Variants in MTNR1B observed in about 807,000 individuals in gnomAD.
MTNR1B encodes the protein melatonin receptor 1B.
In MTNR1B, 7 loss-of-function variants were observed where a neutral mutation model predicts 7.0. The ratio of observed to expected loss-of-function variants is 1.00; its 90% CI spans 0.57 to 1.88. The LOEUF (loss-of-function observed/expected upper bound fraction) is 1.88, where lower values mean the gene tolerates loss of function less well. Among genes scored for constraint, MTNR1B ranks in the 40% most tolerant of loss-of-function variants. The pLI is 0.00. For missense variants in MTNR1B, 478 were observed against 486.5 expected (o/e 0.98, Z 0.16); for synonymous variants, 226 against 208.2 (o/e 1.09, Z -0.74).
In MTNR1B at chr11:92,982,103, T is replaced by C; in HGVS notation, c.880T>C (p.Tyr294His). The C allele has an allele frequency of 1.2e-6, 2 of 1,614,214 alleles. No individual in the cohort carries two copies. Residue 294 changes from tyrosine to histidine, a missense_variant, in exon 2 of 2, where the codon TAC becomes CAC. Tyr to His is a moderately conservative substitution (Grantham distance 83, BLOSUM62 2). Coordinates refer to ENST00000257068, the MANE Select transcript of MTNR1B (RefSeq NM_005959.5). ...QIPEGLFVTS[Y>H]LLAYFNSCLN... ...CCCTGAGGGGCTATTTGTCACTAGC[T>C]ACTTACTGGCTTATTTCAACAGCTG...
At chr11:92,974,395 G>A (rs959274327) in intron 1 of MTNR1B, among the ~76,000 whole-genome samples, 3 of 152,152 alleles carry the variant, frequency 2.0e-5, no homozygotes, top group African/African-American at 4.8e-5. Flanking sequence ...GGCTTCCCCA[G>A]CCATGTAGAA....
chr11:92,983,578 G>T (rs1858154546), downstream of MTNR1B, among the ~76,000 whole-genome samples: 1 of 151,970 alleles, frequency 6.6e-6, no homozygotes, highest in African/African-American at 2.4e-5. Context: ...GAGAAAATGG[G>T]GTAGGGGACA....
chr11:92,976,494 G>GTCTC (rs1276606510), intron 1 of MTNR1B, among the ~76,000 whole-genome samples: 1 of 148,576 alleles, frequency 6.7e-6, no homozygotes, highest in Non-Finnish European at 1.5e-5. Context: ...CCAGATTCAA[G>GTCTC]TCTCTTTCCT....
At chr11:92,977,475 C>T (rs1858027802) in intron 1 of MTNR1B, among the ~76,000 whole-genome samples, 1 of 152,202 alleles carries the variant, frequency 6.6e-6, no homozygotes, top group South Asian at 2.1e-4. Flanking sequence ...TTCTCATGAC[C>T]TTTCCCATAC....
chr11:92,977,330 A>C (rs1288207666), intron 1 of MTNR1B, among the ~76,000 whole-genome samples: 1 of 152,248 alleles, frequency 6.6e-6, no homozygotes, highest in African/African-American at 2.4e-5. Flanking sequence ...TCTAATTACA[A>C]GCTTACAATA....
chr11:92,979,694 T>G (rs914048709), intron 1 of MTNR1B, among the ~76,000 whole-genome samples: 1 of 152,134 alleles, frequency 6.6e-6, no homozygotes, highest in African/African-American at 2.4e-5. Context: ...CACAGTAGTA[T>G]TATAGTTAGG....
chr11:92,984,094 A>T (rs536526913), downstream of MTNR1B, among the ~76,000 whole-genome samples: 3 of 152,228 alleles, frequency 2.0e-5, no homozygotes, highest in African/African-American at 7.2e-5. Context: ...CATGTCCACA[A>T]TGTGCCTGGG....
chr11:92,976,963 A>T (rs185360593), intron 1 of MTNR1B, among the ~76,000 whole-genome samples: 1 of 152,318 alleles, frequency 6.6e-6, no homozygotes, highest in East Asian at 1.9e-4. Flanking sequence ...TATACTATCA[A>T]CTTCACCATG....
At chr11:92,979,869 G>A (rs1357922532) in intron 1 of MTNR1B, among the ~76,000 whole-genome samples, 1 of 152,214 alleles carries the variant, frequency 6.6e-6, no homozygotes, top group Non-Finnish European at 1.5e-5. Context: ...GAGATGGGGT[G>A]AATGTGGGAA....
chr11:92,970,396 T>C (rs1857906037), intron 1 of MTNR1B, among the ~76,000 whole-genome samples: 1 of 152,176 alleles, frequency 6.6e-6, no homozygotes, highest in Non-Finnish European at 1.5e-5. Context: ...GCTGAAAAAA[T>C]GAGTTAATCA....
intron 1 of MTNR1B, 24 bp downstream of exon 1, chr11:92,969,972 G>A (rs1449190717): frequency 1.3e-6 from 2 of 1,586,292 alleles, no homozygotes; most frequent in Non-Finnish European, 1.7e-6. Context: ...CTGATGCTGG[G>A]TGCTGGCATC....
intron 1 of MTNR1B, among the ~76,000 whole-genome samples, chr11:92,975,843 CA>C (rs1302512411): frequency 6.6e-6 from 1 of 152,206 alleles, no homozygotes; most frequent in African/African-American, 2.4e-5. Context: ...ACCGACCACT[CA>C]TTGAGATGTC....
In MTNR1B at chr11:92,981,621, C is replaced by A; in HGVS notation, c.398C>A (p.Ala133Asp). The A allele has an allele frequency of 6.2e-7, 1 of 1,614,180 alleles. No homozygotes were observed. The highest frequency in any genetic ancestry group is 8.5e-7 in the Non-Finnish European group (1 of 1,180,034). Reference sequence around the variant, plus strand: ...ATCGGCTCTGTCTTCAATATCACTGCCATCGCCATTAACCGCTACTGCTAC... The same window carrying A: ...ATCGGCTCTGTCTTCAATATCACTGACATCGCCATTAACCGCTACTGCTAC... ...SVIGSVFNIT[A>D]IAINRYCYIC... The change falls in exon 2 of 2, where the codon GCC becomes GAC. Residue 133 changes from alanine (A) to aspartate (D), a missense_variant. Physicochemically the swap from Ala to Asp is moderately radical, Grantham distance 126. Transcript: ENST00000257068.
chr11:92,982,359 G>A lies in MTNR1B; in HGVS notation c.*47G>A, dbSNP rs1250702059. ...CAGCATGACAAACTCATGAAATGGT[G>A]GGAGAGAGTCTGCTGCAAGGGTGAG... On this transcript the variant is annotated 3_prime_UTR_variant, in exon 2 of 2. Coordinates refer to ENST00000257068, the MANE Select transcript of MTNR1B (RefSeq NM_005959.5). 6.4e-7 allele frequency: 1 copy of A among 1,574,194 alleles called. No individual in the cohort carries two copies. The highest frequency in any genetic ancestry group is 8.6e-7 in the Non-Finnish European group (1 of 1,162,694).
rs6483210 is a variant in MTNR1B, at chr11:92,981,429, C to T, written c.224-18C>T. The T allele has an allele frequency of 0.038, 60,350 of 1,605,448 alleles. 2,975 individuals carry two copies. Among genetic ancestry groups the T allele is most frequent in the African/African-American group, 0.24 (17,942 of 74,728 alleles). On this transcript the variant is annotated intron_variant, in intron 1 of 1. Transcript: ENST00000257068. Reference sequence around the variant, plus strand: ...TCGTGGGGTCTCGTGCTGACTGTTGCTCTGTTTGCTGCTTCAGGTAATTTG... The same window carrying T: ...TCGTGGGGTCTCGTGCTGACTGTTGTTCTGTTTGCTGCTTCAGGTAATTTG...
At chr11:92,971,000 C>T (rs567585772) in intron 1 of MTNR1B, among the ~76,000 whole-genome samples, 81 of 151,990 alleles carry the variant, frequency 5.3e-4, no homozygotes, top group Non-Finnish European at 9.9e-4. Flanking sequence ...CACTCTGTCA[C>T]CCAGGCTGGA....
chr11:92,982,304 G>A lies in MTNR1B; in HGVS notation c.1081G>A (p.Ala361Thr). ...PIIGVQHQAD[A>T]L Reference sequence around the variant, plus strand: ...CATTGGTGTGCAGCACCAGGCAGATGCTCTCTAGCCTGGATCTGAGGCACA... The same window carrying A: ...CATTGGTGTGCAGCACCAGGCAGATACTCTCTAGCCTGGATCTGAGGCACA... The change falls in exon 2 of 2, where the codon GCT (alanine) becomes ACT (threonine). Residue 361 changes from alanine to threonine, a missense_variant. Coordinates refer to ENST00000257068, the MANE Select transcript of MTNR1B (RefSeq NM_005959.5). 1.2e-6 allele frequency: 2 copies of A among 1,611,456 alleles called. No homozygotes were observed. The highest frequency in any genetic ancestry group is 1.7e-6 in the Non-Finnish European group (2 of 1,179,174).
At chr11:92,983,061 C>T (rs1858146036), downstream of MTNR1B, among the ~76,000 whole-genome samples, 1 of 151,288 alleles carries the variant, frequency 6.6e-6, no homozygotes, top group African/African-American at 2.4e-5. Context: ...GTCTCCTAAC[C>T]TCCCTGTTCC....
intron 1 of MTNR1B, among the ~76,000 whole-genome samples, chr11:92,980,620 A>G (rs760796218): frequency 2.0e-5 from 3 of 152,136 alleles, no homozygotes; most frequent in Admixed American, 1.3e-4. Context: ...AAGCTTGGTG[A>G]TGTTGGATAA....
Sources: gnomAD v4.1 joint callset for allele counts (sites outside exome capture counted in the v4.1 genomes callset) on GRCh38, gnomAD v4.1.1 for gene constraint, MANE v1.5 for transcripts, NCBI Gene and HGNC (gene_info 2026-07-23, HGNC 2026-07-21) for gene names.